The following TMEM132C variants were observed in gnomAD, a reference collection of about 807,000 sequenced individuals.
TMEM132C encodes the protein transmembrane protein 132C, also known as protein phosphatase 1, regulatory subunit 152.
Under a neutral mutation model 61.4 loss-of-function variants are expected in TMEM132C, and 29 were observed. That is an observed-to-expected ratio of 0.47 (90% confidence interval 0.35 to 0.64). The LOEUF (loss-of-function observed/expected upper bound fraction) is 0.64, where lower values mean the gene tolerates loss of function less well. Among genes scored for constraint, TMEM132C ranks in the 30% least tolerant of loss-of-function variants. TMEM132C has a pLI of 0.00. For missense variants in TMEM132C, 1,408 were observed against 1,476.9 expected, an observed-to-expected ratio of 0.95 and a Z score of 0.76; for synonymous variants, 656 against 633.1, an observed-to-expected ratio of 1.04 and a Z score of -0.54.
intron 2 of TMEM132C, among the ~76,000 whole-genome samples, chr12:128,449,283 C>T (rs959273437): frequency 7.2e-5 from 11 of 152,034 alleles, no homozygotes; most frequent in Non-Finnish European, 1.2e-4. Flanking sequence ...CATGTGCTCT[C>T]GGCTCCATCG....
intron 5 of TMEM132C, 39 bp from the exon 6 acceptor site, chr12:128,693,790 T>C (rs758971011): frequency 1.3e-6 from 2 of 1,548,880 alleles, no homozygotes; most frequent in South Asian, 2.4e-5. Context: ...CAAGGCTCCA[T>C]GAACTTCTCC....
intron 1 of TMEM132C, among the ~76,000 whole-genome samples, chr12:128,406,332 C>T (rs982561966): frequency 2.0e-5 from 3 of 152,218 alleles, no homozygotes; most frequent in African/African-American, 7.2e-5. Context: ...AATGAGTCGT[C>T]ACTGAGTCAC....
At chr12:128,323,659 C>T (rs1237478422) in intron 1 of TMEM132C, among the ~76,000 whole-genome samples, 4 of 152,166 alleles carry the variant, frequency 2.6e-5, no homozygotes, top group South Asian at 4.1e-4. Context: ...CCAATAAGCA[C>T]GGTAACAGAG....
chr12:128,423,889 G>C (rs11059684), intron 2 of TMEM132C, among the ~76,000 whole-genome samples: 1 of 150,878 alleles, frequency 6.6e-6, no homozygotes, highest in African/African-American at 2.4e-5. Context: ...GAAAGAAAGG[G>C]AAAAAAATTA....
At chr12:128,546,981 G>A (rs796104961) in intron 3 of TMEM132C, among the ~76,000 whole-genome samples, 2 of 152,172 alleles carry the variant, frequency 1.3e-5, no homozygotes, top group African/African-American at 4.8e-5. Context: ...TGGACACCTT[G>A]GGGTACCGAG....
intron 3 of TMEM132C, among the ~76,000 whole-genome samples, chr12:128,579,963 G>A (rs1310315174): frequency 6.6e-6 from 1 of 151,620 alleles, no homozygotes; most frequent in Non-Finnish European, 1.5e-5. Flanking sequence ...GAGGATGGGA[G>A]GTTCAAAGAA....
intron 1 of TMEM132C, among the ~76,000 whole-genome samples, chr12:128,305,627 A>T (rs2135922346): frequency 6.6e-6 from 1 of 152,086 alleles, no homozygotes; most frequent in South Asian, 2.1e-4. Context: ...ACATTTAAAC[A>T]TCATTATCTT....
chr12:128,544,174 C>A, intron 3 of TMEM132C, 71 bp downstream of exon 3: 1 of 1,437,720 alleles, frequency 7.0e-7, no homozygotes, highest in Non-Finnish European at 9.1e-7. Flanking sequence ...TGCGTAAGAG[C>A]CTTGACTTGG....
intron 4 of TMEM132C, among the ~76,000 whole-genome samples, chr12:128,639,681 G>A (rs1399918582): frequency 1.3e-5 from 2 of 152,200 alleles, no homozygotes; most frequent in African/African-American, 4.8e-5. Flanking sequence ...TATGGGAATA[G>A]ACTGCGGTCT....
At chr12:128,614,566 T>G (rs915389192) in intron 3 of TMEM132C, among the ~76,000 whole-genome samples, 1 of 152,222 alleles carries the variant, frequency 6.6e-6, no homozygotes, top group Admixed American at 6.5e-5. Context: ...AGATGCTACA[T>G]TTTATGTTAA....
At chr12:128,477,843 G>T (rs1166574090) in intron 2 of TMEM132C, among the ~76,000 whole-genome samples, 1 of 152,166 alleles carries the variant, frequency 6.6e-6, no homozygotes, top group East Asian at 1.9e-4. Flanking sequence ...CGGCCTCCCA[G>T]AGTGCTGGGG....
rs117332020 is a variant in TMEM132C, at chr12:128,517,813, G to T, written c.975-26144G>T. On this transcript the variant is annotated intron_variant, in intron 2 of 8. Coordinates refer to ENST00000435159, the MANE Select transcript of TMEM132C (RefSeq NM_001136103.3). ...GGAAATGAGATTTGGAGCTAGGAGG[G>T]TAGATGAGCCAGGATGGAGCTGCTC... Among the ~76,000 whole-genome samples, 870 of 152,318 alleles carry T rather than the reference G, an allele frequency of 5.7e-3. 4 individuals carry two copies. Among genetic ancestry groups the T allele is most frequent in the Admixed American group, 9.9e-3 (152 of 15,300 alleles).
At chr12:128,350,578 C>T (rs1158165512) in intron 1 of TMEM132C, among the ~76,000 whole-genome samples, 1 of 151,942 alleles carries the variant, frequency 6.6e-6, no homozygotes, top group Non-Finnish European at 1.5e-5. Context: ...GGTGAGATGG[C>T]CATGTGGCTG....
chr12:128,453,031 C>T (rs1870228749), intron 2 of TMEM132C, among the ~76,000 whole-genome samples: 1 of 152,168 alleles, frequency 6.6e-6, no homozygotes, highest in Non-Finnish European at 1.5e-5. Context: ...CCTGGCTCTT[C>T]CAGGGGGCTT....
At chr12:128,582,450 T>G (rs1185198844) in intron 3 of TMEM132C, among the ~76,000 whole-genome samples, 1 of 150,092 alleles carries the variant, frequency 6.7e-6, no homozygotes, top group African/African-American at 2.5e-5. Context: ...GGTCTCACTC[T>G]GTCACCCAGT....
chr12:128,375,312 C>T (rs1874160244), intron 1 of TMEM132C, among the ~76,000 whole-genome samples: 1 of 152,230 alleles, frequency 6.6e-6, no homozygotes, highest in Admixed American at 6.5e-5. Context: ...GACAATGACC[C>T]CGCACTGGGT....
At chr12:128,286,151 T>C (rs899773589) in intron 1 of TMEM132C, among the ~76,000 whole-genome samples, 6 of 151,996 alleles carry the variant, frequency 3.9e-5, no homozygotes, top group African/African-American at 1.4e-4. Flanking sequence ...CATGCTTTCA[T>C]GGAGGCTTCA....
At chr12:128,399,226 G>A (rs1046914906) in intron 1 of TMEM132C, among the ~76,000 whole-genome samples, 4 of 152,090 alleles carry the variant, frequency 2.6e-5, no homozygotes, top group Admixed American at 2.6e-4. Flanking sequence ...GTAATTAGTG[G>A]GAAAGAAAAT....
chr12:128,433,500 A>T (rs560241282), intron 2 of TMEM132C, among the ~76,000 whole-genome samples: 1 of 152,178 alleles, frequency 6.6e-6, no homozygotes, highest in Non-Finnish European at 1.5e-5. Context: ...GCCTCAGTTT[A>T]CCTTTTAACA....
Sources: allele counts gnomAD v4.1 joint callset (sites outside exome capture counted in the v4.1 genomes callset), GRCh38; gene constraint gnomAD v4.1.1; transcripts MANE v1.5; gene names NCBI Gene and HGNC (gene_info 2026-07-23, HGNC 2026-07-21).